Variants in HUWE1 observed in about 807,000 individuals in gnomAD.
HUWE1 encodes the protein HECT, UBA and WWE domain containing E3 ubiquitin protein ligase 1.
Under a neutral mutation model 299.4 loss-of-function variants are expected in HUWE1, and 18 were observed. The observed-to-expected ratio is 0.06, with a 90% confidence interval of 0.04 to 0.09. The LOEUF (loss-of-function observed/expected upper bound fraction) is 0.09. Ranked by LOEUF, HUWE1 falls within the 10% of genes least tolerant of loss-of-function variation. The probability of loss-of-function intolerance (pLI) is 1.00; values close to 1 mark genes in which losing one functional copy is unlikely to be tolerated. For synonymous variants in HUWE1, 1,317 were observed against 1,286.1 expected (o/e 1.02, Z -0.51); for missense variants, 1,832 against 3,462.3 (o/e 0.53, Z 11.82).
intron 81 of HUWE1, among the ~76,000 whole-genome samples, chrX:53,535,102 A>C (rs1279906386): frequency 2.7e-5 from 3 of 110,664 alleles, no homozygotes; most frequent in Admixed American, 9.6e-5. Flanking sequence ...ACACTTGGCT[A>C]ATTTTTTATT....
rs782631547 is a variant in HUWE1 at position 53,538,685 on chromosome X, GGTGT to G, written c.11878+146_11878+149del. 110 of 591,960 alleles carry G rather than the reference GGTGT, an allele frequency of 1.9e-4. No homozygotes were observed. The African/African-American group carries it at 2.2e-3, about 12-fold the overall frequency. 48.8% of individuals were successfully genotyped at this position (591,960 alleles called of 1,213,427 possible). A position where few individuals can be genotyped will look rare whatever the true frequency, so the allele number is the denominator to read the frequency against. ...AAACCATGCAGGGTTTACGTGCACGGGTGTGTGTATGTACACACACACACACACA... is the reference window on the plus strand; with the variant it reads ...AAACCATGCAGGGTTTACGTGCACGGGTGTATGTACACACACACACACACA... On this transcript the variant is annotated intron_variant, in intron 76 of 83. Coordinates refer to ENST00000262854, the MANE Select transcript of HUWE1 (RefSeq NM_031407.7).
At position 53,616,931 on chromosome X, in the gene HUWE1, A is replaced by C. The variant is rs146396638; in HGVS notation, c.1957+39T>G. 721 of 1,128,126 alleles carry C rather than the reference A, an allele frequency of 6.4e-4. 4 individuals carry two copies. The East Asian group carries it at 0.019, about 30-fold the overall frequency. The allele number at this position is 1,128,126 out of a possible 1,213,427, so 93.0% of individuals were successfully genotyped here. ...CAAGGAAGAGTTTCCTTGCAAACTA[A>C]ATCAATTTTCTACTATAAAATAAAT... On this transcript the variant is annotated intron_variant, in intron 21 of 83. Transcript: ENST00000262854.
intron 3 of HUWE1, among the ~76,000 whole-genome samples, chrX:53,657,203 G>T (rs2068787991): frequency 8.9e-6 from 1 of 112,128 alleles, no homozygotes; most frequent in African/African-American, 3.2e-5. Context: ...TCTTCAAATT[G>T]ATTAAAATAT....
intron 48 of HUWE1, among the ~76,000 whole-genome samples, chrX:53,569,216 G>A (rs1430903660): frequency 8.9e-6 from 1 of 111,985 alleles, no homozygotes; most frequent in Admixed American, 9.4e-5. Flanking sequence ...ACAGGGTTTC[G>A]CCATGTTGCC....
intron 6 of HUWE1, among the ~76,000 whole-genome samples, chrX:53,645,774 T>C (rs1413667407): frequency 1.2e-5 from 1 of 83,136 alleles, no homozygotes; most frequent in Non-Finnish European, 2.3e-5. Context: ...TATATATATA[T>C]ATGTATTTGA....
chrX:53,603,619 C>CA lies in HUWE1; in HGVS notation c.2743-119dup, dbSNP rs782175650. The CA allele has an allele frequency of 1.4e-5, 9 of 621,961 alleles. No individual in the cohort carries two copies. The East Asian group carries it at 2.5e-4, about 17-fold the overall frequency. The allele number at this position is 621,961 out of a possible 1,213,427, so 51.3% of individuals were successfully genotyped here. On this transcript the variant is annotated intron_variant, in intron 26 of 83. Coordinates refer to ENST00000262854, the MANE Select transcript of HUWE1 (RefSeq NM_031407.7). Reference sequence around the variant, plus strand: ...AGGGATTTTTCTTCATTGCTATTCTCAGAGTTATCCACCTCATCAAAATGT... The same window carrying CA: ...AGGGATTTTTCTTCATTGCTATTCTCAAGAGTTATCCACCTCATCAAAATGT...
chrX:53,539,969 G>C (rs1166223046), intron 74 of HUWE1, among the ~76,000 whole-genome samples, 157 bp from the exon 75 acceptor site: 1 of 112,325 alleles, frequency 8.9e-6, no homozygotes, highest in Non-Finnish European at 1.9e-5. Flanking sequence ...CAAGGTCTAG[G>C]ACCTGCATTG....
chrX:53,620,869 G>T (rs1357552600), intron 19 of HUWE1, among the ~76,000 whole-genome samples: 2 of 111,199 alleles, frequency 1.8e-5, no homozygotes, highest in African/African-American at 6.6e-5. Flanking sequence ...GGGACCCACA[G>T]AAAATTGAGG....
At chrX:53,625,874 G>GCCGGGGCCGGGC (rs2066464808) in intron 17 of HUWE1, 1 of 290,155 alleles carries the variant, frequency 3.4e-6, no homozygotes, top group African/African-American at 2.8e-5. Flanking sequence ...CGGGGCCGGG[G>GCCGGGGCCGGGC]CCGGGGCCAG....
At chrX:53,648,174 T>C (rs781824340) in intron 5 of HUWE1, 38 bp downstream of exon 5, 1 of 856,618 alleles carries the variant, frequency 1.2e-6, no homozygotes, top group East Asian at 3.1e-5. Flanking sequence ...TGTATTAGTA[T>C]GGTGAGTCCT....
chrX:53,563,710 A>C (rs1556943230), intron 52 of HUWE1, 36 bp downstream of exon 52: 1 of 1,197,326 alleles, frequency 8.4e-7, no homozygotes, highest in Admixed American at 2.2e-5. Flanking sequence ...AGACTGAGGC[A>C]AAGGAAGAGG....
chrX:53,586,573 TA>T lies in HUWE1; in HGVS notation c.4743-3del. ...AGGAGCAACACTGGTGTGATCCACC[TA>T]AAAAAGAAAAATGATCTGTTTTGGG... On this transcript the variant is annotated splice_polypyrimidine_tract_variant and splice_region_variant and intron_variant, in intron 38 of 83. Coordinates refer to ENST00000262854, the MANE Select transcript of HUWE1 (RefSeq NM_031407.7). 8.4e-7 allele frequency: 1 copy of T among 1,193,945 alleles called. No individual in the cohort carries two copies. The highest frequency in any genetic ancestry group is 1.1e-6 in the Non-Finnish European group (1 of 880,591).
intron 4 of HUWE1, among the ~76,000 whole-genome samples, chrX:53,653,172 T>G (rs1178520278): frequency 2.7e-5 from 3 of 111,990 alleles, no homozygotes; most frequent in Non-Finnish European, 5.6e-5. Context: ...CAAAAAAAAC[T>G]GGAAGAAATG....
At chrX:53,546,299 A>G in intron 70 of HUWE1, 137 bp downstream of exon 70, 1 of 585,118 alleles carries the variant, frequency 1.7e-6, no homozygotes, top group East Asian at 3.6e-5. Context: ...GTGTTACGAC[A>G]GAGGGAGCAT....
chrX:53,608,775 G>A (rs1226106845), intron 24 of HUWE1, 77 bp downstream of exon 24: 2 of 624,434 alleles, frequency 3.2e-6, no homozygotes. Flanking sequence ...GGTAATTACT[G>A]GACTCTGATA....
At chrX:53,535,557 G>T in intron 80 of HUWE1, 56 bp from the exon 81 acceptor site, 1 of 789,869 alleles carries the variant, frequency 1.3e-6, no homozygotes, top group Non-Finnish European at 1.9e-6. Flanking sequence ...GATGGGATTA[G>T]ATACCTAGGA....
At chrX:53,578,899 A>T (rs1268822288) in intron 43 of HUWE1, among the ~76,000 whole-genome samples, 1 of 51,073 alleles carries the variant, frequency 2.0e-5, no homozygotes, top group Non-Finnish European at 3.5e-5. Flanking sequence ...TCCGGGAGGG[A>T]GGTGGGGGGA....
At chrX:53,646,076 T>C (rs1443147330) in intron 6 of HUWE1, among the ~76,000 whole-genome samples, 1 of 110,930 alleles carries the variant, frequency 9.0e-6, no homozygotes, top group Non-Finnish European at 1.9e-5. Context: ...AAGATATCGA[T>C]AACAGCTCGT....
intron 39 of HUWE1, among the ~76,000 whole-genome samples, chrX:53,586,020 G>A (rs2063839839): frequency 8.9e-6 from 1 of 111,969 alleles, no homozygotes; most frequent in African/African-American, 3.3e-5. Flanking sequence ...GTGGTATTAC[G>A]TTATAGCAAC....
Sources: allele counts gnomAD v4.1 joint callset (sites outside exome capture counted in the v4.1 genomes callset), GRCh38; gene constraint gnomAD v4.1.1; transcripts MANE v1.5; gene names NCBI Gene and HGNC (gene_info 2026-07-23, HGNC 2026-07-21).